MLH3: variants seen among roughly 807,000 people sequenced by gnomAD.
MLH3 encodes the protein DNA mismatch repair protein Mlh3.
A neutral mutation model predicts 122.2 loss-of-function variants in MLH3; 82 were observed. The observed-to-expected ratio is 0.67, with a 90% CI of 0.56 to 0.81. MLH3 has a LOEUF of 0.81. Among genes scored for constraint, MLH3 ranks in the 30% least tolerant of loss-of-function variants. The pLI is 0.00. For missense variants in MLH3, 1,539 were observed against 1,714.5 expected, an observed-to-expected ratio of 0.90 and a Z score of 1.81; for synonymous variants, 524 against 599.5, an observed-to-expected ratio of 0.87 and a Z score of 1.84.
chr14:75,022,596 A>C (rs550582509), intron 11 of MLH3, among the ~76,000 whole-genome samples: 1 of 152,048 alleles, frequency 6.6e-6, no homozygotes, highest in Non-Finnish European at 1.5e-5. Context: ...TTATTCCTCC[A>C]CTCATATAGG....
Position 75,018,910 on chromosome 14 carries a change from G to C in MLH3, c.4161C>G (p.Cys1387Trp). 1 of 1,614,122 alleles carries C rather than the reference G, an allele frequency of 6.2e-7. No individual in the cohort carries two copies. The highest frequency in any genetic ancestry group is 2.2e-5 in the East Asian group (1 of 44,886). ...SCRLIEALSS[C>W]QLPFQCAHGR... ...CGTGAGCACACTGGAATGGCAGCTG[G>C]CATGAGGACAGAGCTTCAATAAGGC... The change falls in exon 12 of 13, where the codon TGC (cysteine) becomes TGG (tryptophan). Residue 1387 changes from cysteine to tryptophan, a missense_variant. Coordinates refer to ENST00000355774, the MANE Select transcript of MLH3 (RefSeq NM_001040108.2).
Position 75,048,064 on chromosome 14 carries a change from C to T in MLH3, c.1592G>A (p.Ser531Asn). The change falls in exon 2 of 13, where the codon AGT (serine) becomes AAT (asparagine). Residue 531 changes from serine (S) to asparagine (N), a missense_variant. By Grantham distance (46) the Ser-to-Asn change is conservative. Coordinates refer to ENST00000355774, the MANE Select transcript of MLH3 (RefSeq NM_001040108.2). The stretch of plus-strand genomic sequence containing the variant: ...GGCAGCCATGCCATTAACAGTAGTA[C>T]TTTCTTTCCATATTTCTAGATCCTG... ...SGQDLEIWKESTTVNGMAANI... is the reference protein window; with the variant it reads ...SGQDLEIWKENTTVNGMAANI... 1 of 1,614,072 alleles carries T rather than the reference C, an allele frequency of 6.2e-7. No individual in the cohort carries two copies. The highest frequency in any genetic ancestry group is 8.5e-7 in the Non-Finnish European group (1 of 1,179,996).
At chr14:75,017,273 T>G in intron 12 of MLH3, 72 bp from the exon 13 acceptor site, 7 of 1,511,590 alleles carry the variant, frequency 4.6e-6, no homozygotes, top group Non-Finnish European at 6.4e-6. Context: ...GCGAGGTGAC[T>G]CACACCTGTA....
chr14:75,043,071 C>T (rs936357619), intron 2 of MLH3, among the ~76,000 whole-genome samples: 3 of 152,152 alleles, frequency 2.0e-5, no homozygotes, highest in African/African-American at 4.8e-5. Flanking sequence ...CCACTGTGCC[C>T]GGCTTGAGAC....
chr14:75,038,985 G>A (rs1226607847), intron 5 of MLH3, among the ~76,000 whole-genome samples: 1 of 151,692 alleles, frequency 6.6e-6, no homozygotes, highest in Non-Finnish European at 1.5e-5. Context: ...AGCCTCCCGA[G>A]TAGCTGGGAG....
rs375405751 is a variant in MLH3, at chr14:75,030,654, T to C, written c.3876A>G (p.Pro1292=). The C allele has an allele frequency of 4.3e-6, 7 of 1,613,870 alleles. No homozygotes were observed. The highest frequency in any genetic ancestry group is 1.3e-5 in the African/African-American group (1 of 74,898). ...LEDLGLEFVF[P]DTSDSLVLVG... ...CAAGGACCAGAGAATCACTAGTGTC[T>C]GGAAATACAAATTCAAGGCCCAGAT... Residue 1292 remains proline, a synonymous_variant, in exon 9 of 13, where the codon CCA becomes CCG. Coordinates refer to ENST00000355774, the MANE Select transcript of MLH3 (RefSeq NM_001040108.2).
At chr14:75,035,956 C>T (rs1301309721) in intron 6 of MLH3, among the ~76,000 whole-genome samples, 1 of 152,180 alleles carries the variant, frequency 6.6e-6, no homozygotes, top group Admixed American at 6.5e-5. Flanking sequence ...ATCAGCATCT[C>T]GTCCTGTCTA....
intron 6 of MLH3, among the ~76,000 whole-genome samples, chr14:75,036,170 A>G (rs1013118750): frequency 5.9e-5 from 9 of 152,042 alleles, no homozygotes; most frequent in Non-Finnish European, 1.3e-4. Flanking sequence ...CGAGCTCTTA[A>G]GTGCTAGAAT....
At chr14:75,041,515 T>G in intron 4 of MLH3, 100 bp downstream of exon 4, 1 of 900,724 alleles carries the variant, frequency 1.1e-6, no homozygotes, top group Non-Finnish European at 1.8e-6. Flanking sequence ...GCCATTGCAT[T>G]TCAGTCTGGG....
At chr14:75,039,845 CCATATATATATA>C (rs1380007461) in intron 5 of MLH3, 54 bp downstream of exon 5, 1 of 316,482 alleles carries the variant, frequency 3.2e-6, no homozygotes, top group Non-Finnish European at 4.7e-6. Flanking sequence ...AAGAGTTAGG[CCATATATATATA>C]TATATATATA....
At chr14:75,041,539 A>C in intron 4 of MLH3, 76 bp downstream of exon 4, 2 of 1,192,840 alleles carry the variant, frequency 1.7e-6, no homozygotes, top group Non-Finnish European at 2.5e-6. Flanking sequence ...CAGGAGCAAA[A>C]CTCCATCTCA....
chr14:75,038,442 A>G (rs750683381), intron 5 of MLH3, 30 bp from the exon 6 acceptor site: 27 of 1,397,238 alleles, frequency 1.9e-5, no homozygotes, highest in African/African-American at 4.2e-5. Flanking sequence ...GTGGTACAAC[A>G]CTAAATAAAA....
chr14:75,048,581 C>G lies in MLH3; in HGVS notation c.1075G>C (p.Gly359Arg), dbSNP rs769120072. Reference sequence around the variant, plus strand: ...TCACTAAATTCCTTAATATCCTCACCTGATAATTCCACAAATAATTTTTCT... The same window carrying G: ...TCACTAAATTCCTTAATATCCTCACGTGATAATTCCACAAATAATTTTTCT... Reference protein sequence around the residue: ...KQEKLFVELSGEDIKEFSEDN... With the variant: ...KQEKLFVELSREDIKEFSEDN... Residue 359 changes from glycine (G) to arginine (R), a missense_variant, in exon 2 of 13, where the codon GGT becomes CGT. By Grantham distance (125) the Gly-to-Arg change is moderately radical. Coordinates refer to ENST00000355774, the MANE Select transcript of MLH3 (RefSeq NM_001040108.2). The G allele has an allele frequency of 1.2e-6, 2 of 1,613,924 alleles. No homozygotes were observed. The highest frequency in any genetic ancestry group is 3.3e-5 in the Admixed American group (2 of 60,004).
rs760200108 is a variant in MLH3 at position 75,046,623 on chromosome 14, A to T, written c.3033T>A (p.Asp1011Glu). The change falls in exon 2 of 13, where the codon GAT becomes GAA. Residue 1011 changes from aspartate to glutamate, a missense_variant. Physicochemically the swap from Asp to Glu is conservative, Grantham distance 45 (BLOSUM62 2). Coordinates refer to ENST00000355774, the MANE Select transcript of MLH3 (RefSeq NM_001040108.2). ...AAATTCCATTTTGGTCACCTGTGGC[A>T]TCTTCTACCGGATTCATTAACATTC... ...PSGMLMNPVE[D>E]ATGDQNGICF... 7 of 1,614,094 alleles carry T rather than the reference A, an allele frequency of 4.3e-6. No individual in the cohort carries two copies. In the African/African-American group the frequency reaches 9.3e-5, roughly 22 times the overall value.
chr14:75,031,443 G>A (rs1412596445), intron 8 of MLH3, among the ~76,000 whole-genome samples: 1 of 152,202 alleles, frequency 6.6e-6, no homozygotes, highest in East Asian at 1.9e-4. Flanking sequence ...TCCAAGAAAT[G>A]AGAAGAGTGT....
chr14:75,040,363 T>C (rs1404464281), intron 4 of MLH3, among the ~76,000 whole-genome samples: 3 of 134,564 alleles, frequency 2.2e-5, no homozygotes, highest in African/African-American at 8.4e-5. Context: ...GGCAGGAGAA[T>C]GGTGTGAACC....
intron 3 of MLH3, 87 bp downstream of exon 3, chr14:75,042,292 G>GATCAAGCTTAATGCAAGCCTGCTTTGT: frequency 8.8e-7 from 1 of 1,137,812 alleles, no homozygotes. Flanking sequence ...AGCTGGCACT[G>GATCAAGCTTAATGCAAGCCTGCTTTGT]ATCAAGCTTA....
chr14:75,023,361 G>A (rs1890416848), intron 9 of MLH3, among the ~76,000 whole-genome samples: 1 of 152,208 alleles, frequency 6.6e-6, no homozygotes. Context: ...AAGGCTGTCT[G>A]TTTGTGTGTG....
At chr14:75,041,496 C>T (rs372174191) in intron 4 of MLH3, 119 bp downstream of exon 4, 17 of 785,020 alleles carry the variant, frequency 2.2e-5, no homozygotes, top group Middle Eastern at 3.1e-4. Flanking sequence ...TTACGTGAGC[C>T]GAGATCATGC....
Sources: allele counts gnomAD v4.1 joint callset (sites outside exome capture counted in the v4.1 genomes callset), GRCh38; gene constraint gnomAD v4.1.1; transcripts MANE v1.5; gene names NCBI Gene and HGNC (gene_info 2026-07-23, HGNC 2026-07-21).